The following LRRC4C variants were observed in gnomAD, a reference collection of about 807,000 sequenced individuals.
LRRC4C encodes the protein leucine rich repeat containing 4C, also known as leucine-rich repeat-containing protein 4C.
In LRRC4C, 5 loss-of-function variants were observed where a neutral mutation model predicts 33.6. The observed-to-expected ratio is 0.15, with a 90% confidence interval of 0.08 to 0.31. The LOEUF (loss-of-function observed/expected upper bound fraction) is 0.31, where lower values mean the gene tolerates loss of function less well. Among genes scored for constraint, LRRC4C ranks in the 10% least tolerant of loss-of-function variants. LRRC4C has a pLI of 1.00. For synonymous variants in LRRC4C, 329 were observed against 302.0 expected (o/e 1.09, Z -0.93); for missense variants, 560 against 796.7 (o/e 0.70, Z 3.58).
intron 2 of LRRC4C, among the ~76,000 whole-genome samples, chr11:40,898,668 A>G (rs1956075932): frequency 6.6e-6 from 1 of 152,144 alleles, no homozygotes; most frequent in Non-Finnish European, 1.5e-5. Flanking sequence ...GAACTCCATT[A>G]GGCAGACCTT....
chr11:41,138,999 G>A (rs1943387558), intron 1 of LRRC4C, among the ~76,000 whole-genome samples: 1 of 152,050 alleles, frequency 6.6e-6, no homozygotes, highest in Admixed American at 6.6e-5. Flanking sequence ...ATTATGTTTG[G>A]AAGCTATTTG....
At chr11:40,253,952 G>A (rs895431755) in intron 4 of LRRC4C, among the ~76,000 whole-genome samples, 1 of 152,176 alleles carries the variant, frequency 6.6e-6, no homozygotes, top group African/African-American at 2.4e-5. Flanking sequence ...TAAAAATCAT[G>A]CCCTTTCCTT....
intron 1 of LRRC4C, among the ~76,000 whole-genome samples, chr11:41,364,073 C>A (rs180695254): frequency 2.4e-4 from 37 of 152,188 alleles, no homozygotes; most frequent in African/African-American, 8.7e-4. Context: ...TCTAGGACTG[C>A]GTTTGCACTG....
In LRRC4C at chr11:40,948,123, T is replaced by C. The variant is rs186388951; in HGVS notation, c.-495-14400A>G. ...GCTCAAAGGAAGCCTGGATTTTCTC[T>C]TATGACTCCCCCATATAAGTCACAT... On this transcript the variant is annotated intron_variant, in intron 1 of 6. Transcript: ENST00000528697. Among the ~76,000 whole-genome samples the C allele has an allele frequency of 2.6e-5, 4 of 152,232 alleles. No individual in the cohort carries two copies. In the East Asian group the frequency reaches 7.8e-4, roughly 30 times the overall value.
At chr11:40,987,825 A>C (rs1250459102) in intron 1 of LRRC4C, among the ~76,000 whole-genome samples, 1 of 151,852 alleles carries the variant, frequency 6.6e-6, no homozygotes, top group African/African-American at 2.4e-5. Flanking sequence ...AATGCAGTGA[A>C]TAGCACAAAG....
intron 3 of LRRC4C, among the ~76,000 whole-genome samples, chr11:40,496,743 T>G (rs1265294134): frequency 6.6e-6 from 1 of 152,094 alleles, no homozygotes; most frequent in African/African-American, 2.4e-5. Flanking sequence ...TCTGAAACCA[T>G]GTGTTTAGAT....
chr11:41,447,043 T>C (rs573943890), intron 1 of LRRC4C, among the ~76,000 whole-genome samples: 1 of 152,304 alleles, frequency 6.6e-6, no homozygotes, highest in African/African-American at 2.4e-5. Context: ...AGGCCATCGT[T>C]TTAATTATGC....
intron 2 of LRRC4C, among the ~76,000 whole-genome samples, chr11:40,857,384 T>A (rs756889461): frequency 6.6e-6 from 1 of 152,094 alleles, no homozygotes; most frequent in Non-Finnish European, 1.5e-5. Context: ...GTGCGTGTTG[T>A]TCCCCTCCCT....
At chr11:40,490,006 A>G (rs544878588) in intron 3 of LRRC4C, among the ~76,000 whole-genome samples, 1 of 152,238 alleles carries the variant, frequency 6.6e-6, no homozygotes, top group Admixed American at 6.5e-5. Flanking sequence ...TATTGAAAAT[A>G]CCCACTCTCC....
intron 1 of LRRC4C, among the ~76,000 whole-genome samples, chr11:41,278,564 A>T (rs1440004175): frequency 1.3e-5 from 2 of 152,250 alleles, no homozygotes. Flanking sequence ...ACAAAAAAGC[A>T]TCACATGGAG....
intron 1 of LRRC4C, among the ~76,000 whole-genome samples, chr11:40,962,088 C>T (rs781596850): frequency 3.3e-5 from 5 of 151,440 alleles, no homozygotes; most frequent in Non-Finnish European, 7.4e-5. Flanking sequence ...ATGCCCCAGA[C>T]CTGTCAATAT....
intron 6 of LRRC4C, among the ~76,000 whole-genome samples, chr11:40,124,422 T>C (rs1305803379): frequency 6.6e-6 from 1 of 152,184 alleles, no homozygotes; most frequent in Non-Finnish European, 1.5e-5. Flanking sequence ...CATCAACAGA[T>C]AAATGAATTT....
At position 41,308,111 on chromosome 11, in the gene LRRC4C, T is replaced by C. The variant is rs117937634; in HGVS notation, c.-496+151320A>G. 9.1e-3 allele frequency among the ~76,000 whole-genome samples: 1,386 copies of C among 152,302 alleles called. 15 individuals are homozygous for C. The highest frequency in any genetic ancestry group is 0.03 in the South Asian group (146 of 4,822). On this transcript the variant is annotated intron_variant, in intron 1 of 6. Transcript: ENST00000528697. ...GAACCTTGAATAAATAGTATTGATATAGACTAGGCTTGGGAGAAATCAGTA... is the reference window on the plus strand; with the variant it reads ...GAACCTTGAATAAATAGTATTGATACAGACTAGGCTTGGGAGAAATCAGTA...
chr11:41,203,010 T>C (rs929450976), intron 1 of LRRC4C, among the ~76,000 whole-genome samples: 11 of 152,190 alleles, frequency 7.2e-5, no homozygotes, highest in African/African-American at 2.4e-4. Context: ...GGTCTTGAAC[T>C]CCTGACCTCA....
chr11:41,304,705 G>A lies in LRRC4C; in HGVS notation c.-496+154726C>T, dbSNP rs1469751748. ...AGCCCCCCGCCCGGCCAGCCACCCC[G>A]TCCGGGAGGGAGGTGGGGGTATCAG... On this transcript the variant is annotated intron_variant, in intron 1 of 6. Transcript: ENST00000528697. Among the ~76,000 whole-genome samples, 11 of 74,500 alleles carry A rather than the reference G, an allele frequency of 1.5e-4. 1 individual carries two copies. Among genetic ancestry groups the A allele is most frequent in the Admixed American group, 3.5e-4 (2 of 5,644 alleles). The allele number at this position is 74,500 out of a possible 152,430, so 48.9% of individuals were successfully genotyped here. A position where few individuals can be genotyped will look rare whatever the true frequency, so the allele number is the denominator to read the frequency against.
chr11:41,084,212 G>A (rs1426357994), intron 1 of LRRC4C, among the ~76,000 whole-genome samples: 7 of 152,134 alleles, frequency 4.6e-5, no homozygotes, highest in Admixed American at 4.6e-4. Flanking sequence ...TAAAACCCCA[G>A]ATCATCTGGT....
intron 3 of LRRC4C, among the ~76,000 whole-genome samples, chr11:40,320,492 TGA>T (rs1228922164): frequency 6.6e-6 from 1 of 151,818 alleles, no homozygotes; most frequent in Non-Finnish European, 1.5e-5. Context: ...GGCGACAGAG[TGA>T]GACTCTGTCT....
chr11:40,962,199 A>G (rs1851024384), intron 1 of LRRC4C, among the ~76,000 whole-genome samples: 1 of 151,572 alleles, frequency 6.6e-6, no homozygotes, highest in Non-Finnish European at 1.5e-5. Context: ...ATCAGAGAGA[A>G]AAAAAGGGGC....
At chr11:41,416,626 A>G (rs1438683737) in intron 1 of LRRC4C, among the ~76,000 whole-genome samples, 2 of 151,976 alleles carry the variant, frequency 1.3e-5, no homozygotes, top group African/African-American at 2.4e-5. Flanking sequence ...CAGTGCGTGC[A>G]AGGGAAGGAG....
Sources: allele counts gnomAD v4.1 joint callset (sites outside exome capture counted in the v4.1 genomes callset), GRCh38; gene constraint gnomAD v4.1.1; transcripts MANE v1.5; gene names NCBI Gene and HGNC (gene_info 2026-07-23, HGNC 2026-07-21).